CFAP69: variants seen among roughly 807,000 people sequenced by gnomAD.
CFAP69 encodes the protein cilia- and flagella-associated protein 69.
In CFAP69, 92 loss-of-function variants were observed where a neutral mutation model predicts 123.0. The observed-to-expected ratio is 0.75, with a 90% confidence interval of 0.63 to 0.89. The LOEUF (loss-of-function observed/expected upper bound fraction) is 0.89. Among genes scored for constraint, CFAP69 ranks in the 40% least tolerant of loss-of-function variants. The pLI is 0.00. For synonymous variants in CFAP69, 380 were observed against 364.3 expected (o/e 1.04, Z -0.49); for missense variants, 1,067 against 1,096.9 (o/e 0.97, Z 0.39).
chr7:90,294,309 A>G (rs1000910251), intron 15 of CFAP69, among the ~76,000 whole-genome samples: 1 of 152,220 alleles, frequency 6.6e-6, no homozygotes, highest in Non-Finnish European at 1.5e-5. Flanking sequence ...TGTTTTACCA[A>G]TAATCTTTAT....
chr7:90,280,968 C>T (rs1789402669), intron 12 of CFAP69, among the ~76,000 whole-genome samples: 1 of 152,290 alleles, frequency 6.6e-6, no homozygotes, highest in Non-Finnish European at 1.5e-5. Flanking sequence ...AGCAATTCTT[C>T]AGCCTATCCT....
intron 15 of CFAP69, among the ~76,000 whole-genome samples, chr7:90,296,058 G>A (rs1035224868): frequency 1.3e-5 from 2 of 152,002 alleles, no homozygotes; most frequent in Admixed American, 6.5e-5. Flanking sequence ...CGTTGACTTC[G>A]AGCGCCTTAA....
the CFAP69 span, chr7:90,319,640 T>G: frequency 1.3e-5 from 5 of 398,538 alleles, no homozygotes; most frequent in East Asian, 3.6e-5. Context: ...ATTCCTGGGC[T>G]GATGCTGGCA....
intron 1 of CFAP69, among the ~76,000 whole-genome samples, chr7:90,249,915 C>T (rs2116536273): frequency 6.6e-6 from 1 of 152,268 alleles, no homozygotes; most frequent in South Asian, 2.1e-4. Context: ...AACTTCCTTG[C>T]TCAAATTTGC....
intron 15 of CFAP69, among the ~76,000 whole-genome samples, chr7:90,297,364 G>A (rs923455231): frequency 7.2e-5 from 11 of 152,114 alleles, no homozygotes; most frequent in Admixed American, 3.3e-4. Context: ...AGAAGGGTTC[G>A]TTCAGTTGGT....
chr7:90,318,740 AAAGC>A, the CFAP69 span: 4 of 152,162 alleles, frequency 2.6e-5, no homozygotes, highest in Non-Finnish European at 5.9e-5. Flanking sequence ...CAATAGCAAT[AAAGC>A]AATTACAACA....
At chr7:90,273,238 A>T (rs1800215763) in intron 8 of CFAP69, among the ~76,000 whole-genome samples, 2 of 152,176 alleles carry the variant, frequency 1.3e-5, no homozygotes, top group African/African-American at 4.8e-5. Flanking sequence ...AAAATCAGAA[A>T]ACTAAAATTC....
At chr7:90,286,156 ATAAG>A in intron 13 of CFAP69, 121 bp from the exon 14 acceptor site, 1 of 730,226 alleles carries the variant, frequency 1.4e-6, no homozygotes, top group South Asian at 2.4e-5. Context: ...ATAAAAATAA[ATAAG>A]TAAATAAAAT....
intron 8 of CFAP69, among the ~76,000 whole-genome samples, chr7:90,272,567 A>G (rs922645943): frequency 2.0e-5 from 3 of 152,138 alleles, no homozygotes; most frequent in Non-Finnish European, 4.4e-5. Flanking sequence ...TTTTGTTTGC[A>G]AGTGACTAAA....
intron 11 of CFAP69, among the ~76,000 whole-genome samples, chr7:90,279,343 C>T (rs1049043314): frequency 6.6e-6 from 1 of 151,974 alleles, no homozygotes; most frequent in Non-Finnish European, 1.5e-5. Flanking sequence ...AAGTAAAATA[C>T]GTTATACGTT....
Position 90,271,656 on chromosome 7 carries a change from G to T in CFAP69, c.663G>T (p.Leu221=). The T allele has an allele frequency of 6.2e-7, 1 of 1,613,482 alleles. No homozygotes were observed. The highest frequency in any genetic ancestry group is 2.2e-5 in the East Asian group (1 of 44,860). ...LVEKLWVLKV[L]QHLSTSEVNC... ...AGAAACTTTGGGTACTTAAAGTTCT[G>T]CAGCATCTCTCAACTTCTGGTTTGT... The change falls in exon 7 of 23, where the codon CTG becomes CTT. Residue 221 remains leucine (L), a synonymous_variant. Transcript: ENST00000389297.
At chr7:90,275,322 A>G (rs1788422087) in intron 9 of CFAP69, among the ~76,000 whole-genome samples, 1 of 152,058 alleles carries the variant, frequency 6.6e-6, no homozygotes, top group African/African-American at 2.4e-5. Flanking sequence ...TGGCAGCCCA[A>G]ATCTTAATTC....
Position 90,297,827 on chromosome 7 carries a change from A to G in CFAP69, c.1854A>G (p.Leu618=), listed in dbSNP as rs201375248. The G allele has an allele frequency of 6.4e-7, 1 of 1,569,548 alleles. No individual in the cohort carries two copies. The highest frequency in any genetic ancestry group is 8.6e-7 in the Non-Finnish European group (1 of 1,162,944). The change falls in exon 16 of 23, where the codon TTA becomes TTG. Residue 618 remains leucine, a synonymous_variant. Transcript: ENST00000389297. ...KEGIFLLLDL[L]ALNQKKFCNL... The stretch of plus-strand genomic sequence containing the variant: ...GCATTTTTCTCCTTTTGGATTTGTT[A>G]GCAGTAAGTATGGCTATAACAATCA...
intron 3 of CFAP69, among the ~76,000 whole-genome samples, chr7:90,259,119 T>G (rs1445765087): frequency 6.6e-6 from 1 of 152,134 alleles, no homozygotes; most frequent in Non-Finnish European, 1.5e-5. Flanking sequence ...CTTAAAACTA[T>G]CTGTACGTAA....
intron 4 of CFAP69, among the ~76,000 whole-genome samples, chr7:90,264,903 C>G (rs549115203): frequency 6.6e-6 from 1 of 152,180 alleles, no homozygotes; most frequent in Non-Finnish European, 1.5e-5. Flanking sequence ...TAGCGATTCT[C>G]CTGCCTCAGC....
intron 15 of CFAP69, among the ~76,000 whole-genome samples, chr7:90,297,225 G>A (rs1023620622): frequency 3.9e-5 from 6 of 152,110 alleles, no homozygotes; most frequent in East Asian, 1.9e-4. Flanking sequence ...CTGTTTTAAC[G>A]TTAATACTCA....
At chr7:90,246,765 T>C (rs1369743307) in intron 1 of CFAP69, among the ~76,000 whole-genome samples, 1 of 151,686 alleles carries the variant, frequency 6.6e-6, no homozygotes, top group Non-Finnish European at 1.5e-5. Context: ...AGTCTTCCTT[T>C]ACTTGCTCCA....
At chr7:90,295,974 C>T (rs1326301542) in intron 15 of CFAP69, among the ~76,000 whole-genome samples, 3 of 152,088 alleles carry the variant, frequency 2.0e-5, no homozygotes, top group Admixed American at 1.3e-4. Flanking sequence ...GGGTTTTAGC[C>T]GCCTTCTTTA....
chr7:90,281,136 G>A (rs1789427910), intron 12 of CFAP69, among the ~76,000 whole-genome samples: 1 of 152,136 alleles, frequency 6.6e-6, no homozygotes, highest in South Asian at 2.1e-4. Flanking sequence ...ACAAACCTAG[G>A]AGGTATAGGT....
Sources: gnomAD v4.1 joint callset for allele counts (sites outside exome capture counted in the v4.1 genomes callset) on GRCh38, gnomAD v4.1.1 for gene constraint, MANE v1.5 for transcripts, NCBI Gene and HGNC (gene_info 2026-07-23, HGNC 2026-07-21) for gene names.